The following ETS1 variants were observed in gnomAD, a reference collection of about 807,000 sequenced individuals.
ETS1 encodes the protein ETS proto-oncogene 1, transcription factor.
A neutral mutation model predicts 58.6 loss-of-function variants in ETS1; 15 were observed. The ratio of observed to expected loss-of-function variants is 0.26; its 90% CI spans 0.17 to 0.39. The LOEUF (loss-of-function observed/expected upper bound fraction) is 0.39. Ranked by LOEUF, ETS1 falls within the 10% of genes least tolerant of loss-of-function variation. The pLI, the probability that ETS1 is intolerant of heterozygous loss-of-function variation, is 1.00. For synonymous variants in ETS1, 214 were observed against 218.2 expected, an observed-to-expected ratio of 0.98 and a Z score of 0.17; for missense variants, 417 against 610.5, an observed-to-expected ratio of 0.68 and a Z score of 3.34.
chr11:128,544,367 A>ATATATATATATATATATATATATG (rs1491442597), intron 3 of ETS1, among the ~76,000 whole-genome samples: 10 of 143,610 alleles, frequency 7.0e-5, no homozygotes, highest in African/African-American at 2.6e-4. Context: ...ATATATATAT[A>ATATATATATATATATATATATATG]TGGAATTTCC....
chr11:128,474,564 G>A (rs1023724448), intron 8 of ETS1, among the ~76,000 whole-genome samples: 8 of 152,088 alleles, frequency 5.3e-5, no homozygotes, highest in Admixed American at 1.3e-4. Context: ...AAATCTTCCC[G>A]GGAATTTTCC....
At chr11:128,496,031 C>A (rs566304631) in intron 3 of ETS1, among the ~76,000 whole-genome samples, 1 of 151,994 alleles carries the variant, frequency 6.6e-6, no homozygotes, top group Non-Finnish European at 1.5e-5. Context: ...TACACCTAAT[C>A]CCAGAAAACA....
chr11:128,582,090 TAA>T (rs959793946), intron 1 of ETS1, among the ~76,000 whole-genome samples: 6 of 152,222 alleles, frequency 3.9e-5, no homozygotes, highest in African/African-American at 1.4e-4. Context: ...CATTCTTATA[TAA>T]AGAGGGATTG....
intron 1 of ETS1, among the ~76,000 whole-genome samples, chr11:128,583,191 T>C (rs1864909986): frequency 2.0e-5 from 3 of 152,138 alleles, no homozygotes; most frequent in Admixed American, 2.0e-4. Flanking sequence ...GTTGAACTCA[T>C]GAGTGATTAT....
At chr11:128,470,855 T>A (rs996826240) in intron 8 of ETS1, among the ~76,000 whole-genome samples, 3 of 152,144 alleles carry the variant, frequency 2.0e-5, no homozygotes, top group Non-Finnish European at 2.9e-5. Context: ...AGAATAAGCA[T>A]TTAGGACTTT....
At chr11:128,510,188 C>T (rs1051612928) in intron 3 of ETS1, among the ~76,000 whole-genome samples, 8 of 152,176 alleles carry the variant, frequency 5.3e-5, no homozygotes, top group African/African-American at 4.8e-5. Context: ...ATCCCCACTC[C>T]GTATCATATC....
chr11:128,529,122 A>G (rs1863853944), intron 3 of ETS1: 1 of 152,208 alleles, frequency 6.6e-6, no homozygotes, highest in Admixed American at 6.5e-5. Flanking sequence ...TATTTGTAAG[A>G]TAAGGGAAAT....
At chr11:128,479,047 A>C (rs1358192572) in intron 8 of ETS1, among the ~76,000 whole-genome samples, 1 of 152,254 alleles carries the variant, frequency 6.6e-6, no homozygotes, top group African/African-American at 2.4e-5. Context: ...GCTACATGGA[A>C]TGCAATATAA....
At chr11:128,472,559 C>T (rs932555734) in intron 8 of ETS1, among the ~76,000 whole-genome samples, 8 of 152,352 alleles carry the variant, frequency 5.3e-5, no homozygotes, top group South Asian at 2.1e-4. Flanking sequence ...ACCTGTTCTA[C>T]TCAGTTCTCC....
chr11:128,486,590 G>A lies in ETS1; in HGVS notation c.536-444C>T, dbSNP rs112108520. Among the ~76,000 whole-genome samples, 814 of 152,302 alleles carry A rather than the reference G, an allele frequency of 5.3e-3. 7 individuals carry two copies. The highest frequency in any genetic ancestry group is 9.1e-3 in the Non-Finnish European group (622 of 68,022). On this transcript the variant is annotated intron_variant, in intron 5 of 9. Coordinates refer to ENST00000392668, the MANE Select transcript of ETS1 (RefSeq NM_001143820.2). Reference sequence around the variant, plus strand: ...GCAGTCTTTAGGCCATAGATTTTACGTTCTCCATTTCCTCTAACAGATGTC... The same window carrying A: ...GCAGTCTTTAGGCCATAGATTTTACATTCTCCATTTCCTCTAACAGATGTC...
Position 128,495,859 on chromosome 11 carries a change from A to C in ETS1, c.215-5283T>G, listed in dbSNP as rs529813805. On this transcript the variant is annotated intron_variant, in intron 3 of 9. Coordinates refer to ENST00000392668, the MANE Select transcript of ETS1 (RefSeq NM_001143820.2). ...TCACTTTGAAAAGAGGTCTGTTCAT[A>C]GGTGGTGTCTATATCCCTCATAGAG... 3.7e-4 allele frequency among the ~76,000 whole-genome samples: 56 copies of C among 152,342 alleles called. 1 individual carries two copies. The highest frequency in any genetic ancestry group is 1.3e-3 in the African/African-American group (54 of 41,578).
At chr11:128,545,082 C>A (rs1353331492) in intron 3 of ETS1, among the ~76,000 whole-genome samples, 1 of 152,056 alleles carries the variant, frequency 6.6e-6, no homozygotes, top group Non-Finnish European at 1.5e-5. Context: ...GGTAAGCAAA[C>A]CCTCTAGACC....
chr11:128,460,241 A>G lies in ETS1; in HGVS notation c.*2120T>C, dbSNP rs945977028. On this transcript the variant is annotated 3_prime_UTR_variant, in exon 10 of 10. Coordinates refer to ENST00000392668, the MANE Select transcript of ETS1 (RefSeq NM_001143820.2). ...CCCAACACTCCCTGAGCAGCTCCTA[A>G]AATATTTTGAGAGCTTCATTAAGGC... 1.3e-5 allele frequency: 2 copies of G among 152,770 alleles called. No homozygotes were observed. Among genetic ancestry groups the G allele is most frequent in the Non-Finnish European group, 2.9e-5 (2 of 68,046 alleles). 9.5% of individuals were successfully genotyped at this position (152,770 alleles called of 1,614,324 possible). A position where few individuals can be genotyped will look rare whatever the true frequency, so the allele number is the denominator to read the frequency against.
intron 2 of ETS1, among the ~76,000 whole-genome samples, chr11:128,567,437 C>T (rs142824451): frequency 2.0e-5 from 3 of 152,284 alleles, no homozygotes; most frequent in African/African-American, 4.8e-5. Flanking sequence ...AAATGGGATC[C>T]AATTTATACA....
At chr11:128,543,220 G>C (rs1358376489) in intron 3 of ETS1, among the ~76,000 whole-genome samples, 1 of 151,320 alleles carries the variant, frequency 6.6e-6, no homozygotes, top group African/African-American at 2.4e-5. Flanking sequence ...ATTATTTAAA[G>C]AGGTATTTTT....
chr11:128,575,843 C>A (rs1430404636), intron 1 of ETS1, among the ~76,000 whole-genome samples: 1 of 152,206 alleles, frequency 6.6e-6, no homozygotes, highest in Non-Finnish European at 1.5e-5. Flanking sequence ...CTTTCAAATG[C>A]CTATTTTACT....
intron 3 of ETS1, among the ~76,000 whole-genome samples, chr11:128,520,710 C>T (rs987676781): frequency 7.2e-5 from 11 of 152,216 alleles, no homozygotes; most frequent in African/African-American, 2.7e-4. Context: ...AGCTGAATGT[C>T]AGGGGACCCA....
At chr11:128,546,503 G>T (rs921010793) in intron 3 of ETS1, among the ~76,000 whole-genome samples, 1 of 152,082 alleles carries the variant, frequency 6.6e-6, no homozygotes, top group African/African-American at 2.4e-5. Flanking sequence ...ACCTATGCAC[G>T]TCCTCCCATA....
intron 1 of ETS1, among the ~76,000 whole-genome samples, chr11:128,579,216 A>G (rs1159828537): frequency 6.6e-6 from 1 of 152,206 alleles, no homozygotes; most frequent in Non-Finnish European, 1.5e-5. Context: ...ATTTCTCCCC[A>G]CCACCCCTCA....
Sources: gnomAD v4.1 joint callset for allele counts (sites outside exome capture counted in the v4.1 genomes callset) on GRCh38, gnomAD v4.1.1 for gene constraint, MANE v1.5 for transcripts, NCBI Gene and HGNC (gene_info 2026-07-23, HGNC 2026-07-21) for gene names.